Variants in ADAMTS16 observed in about 807,000 individuals in gnomAD.
ADAMTS16 encodes the protein A disintegrin and metalloproteinase with thrombospondin motifs 16.
ADAMTS16 carries 94 observed loss-of-function variants against 145.8 expected under a neutral mutation model. The observed-to-expected ratio is 0.64, with a 90% confidence interval of 0.55 to 0.77. The LOEUF (loss-of-function observed/expected upper bound fraction) is 0.77. Among genes scored for constraint, ADAMTS16 ranks in the 30% least tolerant of loss-of-function variants. The pLI is 0.00. For missense variants in ADAMTS16, 1,585 were observed against 1,591.5 expected, an observed-to-expected ratio of 1.00 and a Z score of 0.07; for synonymous variants, 659 against 604.3, an observed-to-expected ratio of 1.09 and a Z score of -1.33.
At chr5:5,305,385 A>AC (rs749702411) in intron 20 of ADAMTS16, among the ~76,000 whole-genome samples, 2 of 33,750 alleles carry the variant, frequency 5.9e-5, no homozygotes, top group African/African-American at 1.1e-4. Flanking sequence ...ACACACACAC[A>AC]ATCCCACACC....
At chr5:5,268,925 A>T (rs918763054) in intron 18 of ADAMTS16, among the ~76,000 whole-genome samples, 5 of 151,836 alleles carry the variant, frequency 3.3e-5, no homozygotes, top group African/African-American at 1.2e-4. Flanking sequence ...GCGCTCCCCG[A>T]CCCCACAACT....
At chr5:5,194,016 C>T (rs1193912292) in intron 8 of ADAMTS16, among the ~76,000 whole-genome samples, 7 of 151,948 alleles carry the variant, frequency 4.6e-5, no homozygotes, top group African/African-American at 1.2e-4. Flanking sequence ...GTGGGAGAAT[C>T]GCCTGAGCCC....
chr5:5,185,880 T>C (rs755315883), intron 4 of ADAMTS16, among the ~76,000 whole-genome samples, 172 bp from the exon 5 acceptor site: 2 of 152,248 alleles, frequency 1.3e-5, no homozygotes, highest in African/African-American at 2.4e-5. Context: ...GAATTTTACT[T>C]AAATTTAGTG....
chr5:5,163,023 A>G (rs996980643), intron 3 of ADAMTS16, among the ~76,000 whole-genome samples: 2 of 152,138 alleles, frequency 1.3e-5, no homozygotes, highest in East Asian at 3.9e-4. Flanking sequence ...CTCGTGGAGA[A>G]TTTACAGGAA....
chr5:5,178,487 T>A (rs1050841287), intron 3 of ADAMTS16, among the ~76,000 whole-genome samples: 3 of 152,244 alleles, frequency 2.0e-5, no homozygotes, highest in Non-Finnish European at 4.4e-5. Flanking sequence ...GCTTGCAAAC[T>A]AATAATGAAA....
intron 11 of ADAMTS16, among the ~76,000 whole-genome samples, chr5:5,229,449 C>T (rs564323858): frequency 9.9e-5 from 15 of 152,194 alleles, no homozygotes; most frequent in East Asian, 1.9e-4. Context: ...ATCCTTTGTT[C>T]GGTGTACTCT....
At chr5:5,308,819 G>A (rs1740296810) in intron 21 of ADAMTS16, among the ~76,000 whole-genome samples, 1 of 151,972 alleles carries the variant, frequency 6.6e-6, no homozygotes, top group Non-Finnish European at 1.5e-5. Flanking sequence ...GTGTGGTGGT[G>A]CACGCCTGTA....
chr5:5,301,872 T>G (rs1247254787), intron 18 of ADAMTS16, among the ~76,000 whole-genome samples: 1 of 152,280 alleles, frequency 6.6e-6, no homozygotes, highest in South Asian at 2.1e-4. Context: ...AGGCAGAGCC[T>G]CGCAGGCGAC....
intron 11 of ADAMTS16, among the ~76,000 whole-genome samples, chr5:5,224,353 G>A (rs1323318454): frequency 1.3e-5 from 2 of 151,980 alleles, no homozygotes; most frequent in African/African-American, 4.8e-5. Flanking sequence ...GCAGTGGTGC[G>A]ATCTCAGCTA....
intron 18 of ADAMTS16, among the ~76,000 whole-genome samples, chr5:5,268,102 C>A (rs1482761698): frequency 6.6e-6 from 1 of 152,124 alleles, no homozygotes; most frequent in Non-Finnish European, 1.5e-5. Flanking sequence ...TGTGTGCAGT[C>A]ACATCCCAAG....
At chr5:5,184,684 G>C (rs1735448184) in intron 4 of ADAMTS16, among the ~76,000 whole-genome samples, 1 of 152,038 alleles carries the variant, frequency 6.6e-6, no homozygotes, top group Admixed American at 6.6e-5. Context: ...GGTGATGGTG[G>C]GTGTGCAGCT....
chr5:5,230,331 A>C (rs1464389688), intron 11 of ADAMTS16, among the ~76,000 whole-genome samples: 2 of 152,254 alleles, frequency 1.3e-5, no homozygotes, highest in Non-Finnish European at 2.9e-5. Context: ...TAACTGAGAG[A>C]AAATAAAATA....
intron 2 of ADAMTS16, 117 bp downstream of exon 2, chr5:5,140,883 A>T (rs1195969093): frequency 9.5e-7 from 1 of 1,047,428 alleles, no homozygotes; most frequent in South Asian, 1.9e-5. Context: ...TACTTTTAAG[A>T]TGCTGTTGTG....
rs1234776833 is a variant in ADAMTS16, at chr5:5,179,555, A to T, written c.502-2489A>T. Among the ~76,000 whole-genome samples the T allele has an allele frequency of 2.0e-5, 3 of 152,228 alleles. No homozygotes were observed. The East Asian group carries it at 5.8e-4, about 29-fold the overall frequency. On this transcript the variant is annotated intron_variant, in intron 3 of 22. Coordinates refer to ENST00000274181, the MANE Select transcript of ADAMTS16 (RefSeq NM_139056.4). ...TAAAATACAAAAAGGTTGAAAGCTA[A>T]TTGGCTTTAACCATTATTTAATTTA... is the stretch of plus-strand genomic sequence containing the variant.
chr5:5,175,692 T>C (rs901627278), intron 3 of ADAMTS16, among the ~76,000 whole-genome samples: 2 of 152,166 alleles, frequency 1.3e-5, no homozygotes, highest in Non-Finnish European at 2.9e-5. Context: ...TCCACTGGGA[T>C]GGTTCTGACC....
At chr5:5,207,470 G>C (rs984402220) in intron 9 of ADAMTS16, among the ~76,000 whole-genome samples, 1 of 152,076 alleles carries the variant, frequency 6.6e-6, no homozygotes, top group Non-Finnish European at 1.5e-5. Context: ...AGACAATCAT[G>C]TCATCTATGA....
chr5:5,209,459 A>G (rs1168155163), intron 10 of ADAMTS16, among the ~76,000 whole-genome samples: 1 of 152,130 alleles, frequency 6.6e-6, no homozygotes, highest in African/African-American at 2.4e-5. Flanking sequence ...TCATTTGAGA[A>G]CCGACTTGGC....
rs1378668246 is a variant in ADAMTS16, at chr5:5,319,217, C to T, written c.*79C>T. ...CACAAATGAGCTGTGCAATCTACGT[C>T]GGAATACATCCAAGGAAGAGCAAAG... is the stretch of plus-strand genomic sequence containing the variant. On this transcript the variant is annotated 3_prime_UTR_variant, in exon 23 of 23. Transcript: ENST00000274181. The T allele has an allele frequency of 2.1e-5, 22 of 1,046,220 alleles. No homozygotes were observed. The highest frequency in any genetic ancestry group is 2.9e-5 in the Non-Finnish European group (20 of 694,480). The allele number at this position is 1,046,220 out of a possible 1,614,324, so 64.8% of individuals were successfully genotyped here.
At chr5:5,318,347 T>C in intron 22 of ADAMTS16, 66 bp downstream of exon 22, 6 of 1,338,220 alleles carry the variant, frequency 4.5e-6, no homozygotes, top group Admixed American at 3.0e-5. Context: ...TCTGGAGCAG[T>C]TCCTTGGGGG....
Sources: gnomAD v4.1 joint callset for allele counts (sites outside exome capture counted in the v4.1 genomes callset) on GRCh38, gnomAD v4.1.1 for gene constraint, MANE v1.5 for transcripts, NCBI Gene and HGNC (gene_info 2026-07-23, HGNC 2026-07-21) for gene names.